Variants in ASB2 observed in about 807,000 individuals in gnomAD.
ASB2 encodes the protein ankyrin repeat and SOCS box containing 2.
ASB2 carries 58 observed loss-of-function variants against 62.4 expected under a neutral mutation model. That is an observed-to-expected ratio of 0.93 (90% CI 0.75 to 1.16). The LOEUF (loss-of-function observed/expected upper bound fraction) is 1.16. ASB2 is among the 50% of genes most tolerant of loss of function. The pLI, the probability that ASB2 is intolerant of heterozygous loss-of-function variation, is 0.00. For synonymous variants in ASB2, 386 were observed against 385.3 expected, an observed-to-expected ratio of 1.00 and a Z score of -0.02; for missense variants, 928 against 887.9, an observed-to-expected ratio of 1.05 and a Z score of -0.57.
At chr14:93,938,235 T>G (rs1178941892) in intron 8 of ASB2, among the ~76,000 whole-genome samples, 4 of 34,522 alleles carry the variant, frequency 1.2e-4, no homozygotes, top group Non-Finnish European at 3.3e-4. Context: ...AGTTCTGACT[T>G]TTTTTTTTTT....
chr14:93,974,983 C>A (rs539497222), intron 1 of ASB2, among the ~76,000 whole-genome samples: 1 of 152,354 alleles, frequency 6.6e-6, no homozygotes, highest in South Asian at 2.1e-4. Context: ...CAGCATGGCA[C>A]CCAGCGGAGC....
At position 93,954,229 on chromosome 14, in the gene ASB2, G is replaced by T. The variant is rs892579282; in HGVS notation, c.478+88C>A. 4 of 1,036,962 alleles carry T rather than the reference G, an allele frequency of 3.9e-6. No individual in the cohort carries two copies. The African/African-American group carries it at 6.3e-5, about 16-fold the overall frequency. The allele number at this position is 1,036,962 out of a possible 1,614,324, so 64.2% of individuals were successfully genotyped here. On this transcript the variant is annotated intron_variant, in intron 4 of 9. Transcript: ENST00000555019. The stretch of plus-strand genomic sequence containing the variant: ...TGCCTGCCCTTCTCCCAAGATGATT[G>T]TGGGCAAAGAACATGAAGCCCCAGG...
intron 5 of ASB2, among the ~76,000 whole-genome samples, chr14:93,951,754 G>A (rs1888977665): frequency 6.6e-6 from 1 of 152,194 alleles, no homozygotes; most frequent in South Asian, 2.1e-4. Flanking sequence ...TACCAAGGCT[G>A]GAAGAATCTT....
chr14:93,943,387 G>A (rs1361880105), intron 7 of ASB2, among the ~76,000 whole-genome samples: 1 of 152,224 alleles, frequency 6.6e-6, no homozygotes, highest in South Asian at 2.1e-4. Flanking sequence ...GCTCACGCCT[G>A]TAATCGGAGC....
intron 2 of ASB2, among the ~76,000 whole-genome samples, chr14:93,962,812 C>G (rs893717264): frequency 5.9e-5 from 9 of 152,232 alleles, no homozygotes; most frequent in African/African-American, 9.6e-5. Flanking sequence ...TGCCCTATCT[C>G]TATCTGACCC....
chr14:93,964,245 C>T, intron 2 of ASB2, 89 bp downstream of exon 2: 1 of 1,168,344 alleles, frequency 8.6e-7, no homozygotes, highest in Non-Finnish European at 1.2e-6. Context: ...GACCAGGATA[C>T]CGTGGTTTTG....
At chr14:93,958,082 G>C (rs1024234691) in intron 2 of ASB2, among the ~76,000 whole-genome samples, 2 of 152,160 alleles carry the variant, frequency 1.3e-5, no homozygotes, top group African/African-American at 4.8e-5. Flanking sequence ...GGTGGCAGGA[G>C]GAGGGGAACC....
At chr14:93,966,412 C>T (rs1889593048) in intron 1 of ASB2, among the ~76,000 whole-genome samples, 2 of 152,224 alleles carry the variant, frequency 1.3e-5, no homozygotes, top group African/African-American at 4.8e-5. Flanking sequence ...CTATGGAAGA[C>T]TTTCCTTTCT....
At chr14:93,968,134 C>A (rs1237339994) in intron 1 of ASB2, 2 of 152,172 alleles carry the variant, frequency 1.3e-5, no homozygotes, top group African/African-American at 4.8e-5. Context: ...TGACCATGTG[C>A]CTTCCTGGAG....
intron 2 of ASB2, among the ~76,000 whole-genome samples, chr14:93,958,467 C>T (rs1011595527): frequency 6.6e-6 from 1 of 152,196 alleles, no homozygotes; most frequent in Non-Finnish European, 1.5e-5. Context: ...CTCCAGCTCT[C>T]CGACCTCCAC....
chr14:93,953,555 C>T (rs772766651), intron 4 of ASB2, 48 bp from the exon 5 acceptor site: 1 of 1,491,562 alleles, frequency 6.7e-7, no homozygotes, highest in South Asian at 1.3e-5. Context: ...GATACTCAGC[C>T]CCGCAACACA....
chr14:93,948,879 G>A (rs894247234), intron 6 of ASB2, among the ~76,000 whole-genome samples: 2 of 152,240 alleles, frequency 1.3e-5, no homozygotes, highest in African/African-American at 4.8e-5. Context: ...GATATAGGCG[G>A]CAGTGAGCCG....
At position 93,964,458 on chromosome 14, in the gene ASB2, C is replaced by A; in HGVS notation, c.82G>T (p.Asp28Tyr). The A allele has an allele frequency of 6.5e-7, 1 of 1,536,112 alleles. No homozygotes were observed. The highest frequency in any genetic ancestry group is 1.2e-5 in the South Asian group (1 of 84,062). ...TCGATGGCCATCTGCACCAGTTCAT[C>A]CTCGCTCAGGCTGCTGTACAGGCTG... ...EYSLYSSLSE[D>Y]ELVQMAIEQS... Residue 28 changes from aspartate to tyrosine, a missense_variant, in exon 2 of 10, where the codon GAT becomes TAT. Asp to Tyr is a radical substitution (Grantham distance 160). Coordinates refer to ENST00000555019, the MANE Select transcript of ASB2 (RefSeq NM_001202429.2).
chr14:93,956,534 C>T (rs527877481), intron 3 of ASB2, among the ~76,000 whole-genome samples: 2 of 152,228 alleles, frequency 1.3e-5, no homozygotes, highest in Admixed American at 1.3e-4. Flanking sequence ...GGGGGGATCA[C>T]CAGCATGCCT....
At chr14:93,974,545 A>G (rs1889856107) in intron 1 of ASB2, among the ~76,000 whole-genome samples, 2 of 152,166 alleles carry the variant, frequency 1.3e-5, no homozygotes, top group Admixed American at 1.3e-4. Context: ...GCACCTTATG[A>G]TGCCTTGAGT....
At chr14:93,962,357 G>T (rs752606380) in intron 2 of ASB2, among the ~76,000 whole-genome samples, 2 of 152,206 alleles carry the variant, frequency 1.3e-5, no homozygotes, top group Admixed American at 6.5e-5. Flanking sequence ...CTCGTGATCC[G>T]CCTAAACATT....
intron 7 of ASB2, chr14:93,943,969 T>G (rs1888628396): frequency 2.2e-6 from 1 of 455,952 alleles, no homozygotes; most frequent in Non-Finnish European, 4.4e-6. Flanking sequence ...AAGGAATATT[T>G]AAAAACGAGG....
intron 2 of ASB2, among the ~76,000 whole-genome samples, chr14:93,962,429 C>A (rs1050347415): frequency 6.6e-6 from 1 of 152,160 alleles, no homozygotes; most frequent in Non-Finnish European, 1.5e-5. Flanking sequence ...GAGGCGAAGG[C>A]GCAGAACCGA....
intron 2 of ASB2, among the ~76,000 whole-genome samples, chr14:93,959,636 C>A (rs1889341398): frequency 6.6e-6 from 1 of 152,200 alleles, no homozygotes; most frequent in Non-Finnish European, 1.5e-5. Flanking sequence ...GGGCCTCTGT[C>A]CTTTGTGTGT....
Sources: gnomAD v4.1 joint callset for allele counts (sites outside exome capture counted in the v4.1 genomes callset) on GRCh38, gnomAD v4.1.1 for gene constraint, MANE v1.5 for transcripts, NCBI Gene and HGNC (gene_info 2026-07-23, HGNC 2026-07-21) for gene names.